The following DCLK2 variants were observed in gnomAD, a reference collection of about 807,000 sequenced individuals.
DCLK2 encodes doublecortin like kinase 2, also known as serine/threonine-protein kinase DCLK2.
DCLK2 carries 31 observed loss-of-function variants against 78.4 expected under a neutral mutation model. The observed-to-expected ratio is 0.40, with a 90% CI of 0.30 to 0.53. DCLK2 has a LOEUF of 0.53. Ranked by LOEUF, DCLK2 falls within the 20% of genes least tolerant of loss-of-function variation. The pLI, the probability that DCLK2 is intolerant of heterozygous loss-of-function variation, is 0.61. For synonymous variants in DCLK2, 407 were observed against 374.9 expected (o/e 1.09, Z -0.99); for missense variants, 872 against 973.7 (o/e 0.90, Z 1.39).
chr4:150,139,249 T>A (rs1733940103), intron 2 of DCLK2, among the ~76,000 whole-genome samples: 1 of 152,206 alleles, frequency 6.6e-6, no homozygotes, highest in Non-Finnish European at 1.5e-5. Flanking sequence ...TGCCACATGT[T>A]GGTGATGTTA....
chr4:150,179,581 C>T, intron 2 of DCLK2, among the ~76,000 whole-genome samples: 1 of 152,012 alleles, frequency 6.6e-6, no homozygotes, highest in East Asian at 1.9e-4. Flanking sequence ...AAACAGACAC[C>T]AAAAGGGTTG....
At chr4:150,170,898 TAA>T in intron 2 of DCLK2, among the ~76,000 whole-genome samples, 1 of 152,240 alleles carries the variant, frequency 6.6e-6, no homozygotes, top group South Asian at 2.1e-4. Flanking sequence ...CTTTCTTGTA[TAA>T]AAGTGATTAC....
intron 5 of DCLK2, among the ~76,000 whole-genome samples, chr4:150,210,549 G>A (rs1204469929): frequency 2.0e-5 from 3 of 152,192 alleles, no homozygotes; most frequent in Non-Finnish European, 4.4e-5. Flanking sequence ...TGAGGCAGGA[G>A]AATTGCTTGA....
intron 5 of DCLK2, among the ~76,000 whole-genome samples, chr4:150,208,013 A>G (rs937982277): frequency 3.3e-5 from 5 of 152,194 alleles, no homozygotes; most frequent in Admixed American, 2.6e-4. Context: ...ACCATCCAGC[A>G]TAAGAGGCTT....
intron 1 of DCLK2, among the ~76,000 whole-genome samples, chr4:150,090,384 C>T (rs1213039028): frequency 6.6e-6 from 1 of 152,182 alleles, no homozygotes; most frequent in Non-Finnish European, 1.5e-5. Flanking sequence ...CCACTCCAGC[C>T]TGGGCAACAA....
intron 2 of DCLK2, among the ~76,000 whole-genome samples, chr4:150,120,134 A>G (rs1388667624): frequency 6.6e-6 from 1 of 152,242 alleles, no homozygotes; most frequent in Admixed American, 6.5e-5. Context: ...TTTTGAAAAC[A>G]AGGACAGCTG....
intron 4 of DCLK2, chr4:150,198,935 C>G: frequency 2.6e-6 from 1 of 391,452 alleles, no homozygotes; most frequent in Non-Finnish European, 4.8e-6. Flanking sequence ...TTCTGTAGGG[C>G]AGGTCGTTTT....
intron 2 of DCLK2, among the ~76,000 whole-genome samples, chr4:150,188,475 A>C (rs1738124589): frequency 6.6e-6 from 1 of 152,152 alleles, no homozygotes; most frequent in South Asian, 2.1e-4. Context: ...AAATTGTATA[A>C]TTTGGTTAAC....
intron 2 of DCLK2, among the ~76,000 whole-genome samples, chr4:150,153,528 G>C (rs6535712): frequency 0.68 from 103,839 of 151,594 alleles, 35,746 homozygotes; most frequent in Non-Finnish European, 0.72. Context: ...CTTACCCACC[G>C]CAGCAGTAGC....
At chr4:150,127,308 T>C (rs1580552882) in intron 2 of DCLK2, among the ~76,000 whole-genome samples, 1 of 152,238 alleles carries the variant, frequency 6.6e-6, no homozygotes, top group African/African-American at 2.4e-5. Context: ...ACACCAGTTA[T>C]TACTGTGGTG....
chr4:150,224,403 A>AAAATGGG, intron 7 of DCLK2, 98 bp from the exon 8 acceptor site: 1 of 1,063,748 alleles, frequency 9.4e-7, no homozygotes, highest in Non-Finnish European at 1.3e-6. Context: ...TCTCATCTCT[A>AAAATGGG]CAAAAAAAAA....
intron 1 of DCLK2, among the ~76,000 whole-genome samples, chr4:150,098,111 C>G (rs531214011): frequency 6.6e-6 from 1 of 151,960 alleles, no homozygotes; most frequent in Non-Finnish European, 1.5e-5. Flanking sequence ...TCTAAGGAAA[C>G]GGGGGCTCAC....
intron 14 of DCLK2, 54 bp downstream of exon 14, chr4:150,248,439 C>A: frequency 7.1e-7 from 1 of 1,407,824 alleles, no homozygotes; most frequent in African/African-American, 1.4e-5. Context: ...TGGCCAACAG[C>A]ACGGTTCCTC....
At chr4:150,095,815 C>A (rs550164668) in intron 1 of DCLK2, among the ~76,000 whole-genome samples, 1 of 152,090 alleles carries the variant, frequency 6.6e-6, no homozygotes, top group Non-Finnish European at 1.5e-5. Flanking sequence ...CTTGAAGGGT[C>A]AGTGGAAGAG....
intron 1 of DCLK2, among the ~76,000 whole-genome samples, chr4:150,094,503 C>G (rs931211162): frequency 6.6e-6 from 1 of 152,170 alleles, no homozygotes; most frequent in African/African-American, 2.4e-5. Flanking sequence ...TACTTGGTGT[C>G]TTCATCTCCT....
chr4:150,081,696 T>C (rs1413034858), intron 1 of DCLK2, among the ~76,000 whole-genome samples: 2 of 152,094 alleles, frequency 1.3e-5, no homozygotes, highest in African/African-American at 4.8e-5. Context: ...AATGCAATTT[T>C]TTTTTTAAAG....
intron 2 of DCLK2, among the ~76,000 whole-genome samples, chr4:150,176,948 G>A (rs72732403): frequency 0.18 from 27,584 of 152,082 alleles, 2,669 homozygotes; most frequent in Non-Finnish European, 0.22. Flanking sequence ...TTGCAAAAAA[G>A]AAATAGATGT....
rs1432905636 is a variant in DCLK2, at chr4:150,256,059, A to G, written c.2113A>G (p.Lys705Glu). 1.9e-6 allele frequency: 3 copies of G among 1,612,328 alleles called. No individual in the cohort carries two copies. Among genetic ancestry groups the G allele is most frequent in the Admixed American group, 1.7e-5 (1 of 59,806 alleles). ...LDKEGQIFCS[K>E]HCQDSGRPGM... The stretch of plus-strand genomic sequence containing the variant: ...TAAGGAGGGGCAGATTTTCTGCAGC[A>G]AGCACTGTCAAGACAGCGGCAGGCC... Residue 705 changes from lysine (K) to glutamate (E), a missense_variant, in exon 16 of 16, where the codon AAG becomes GAG. Transcript: ENST00000296550.
intron 4 of DCLK2, among the ~76,000 whole-genome samples, chr4:150,200,974 C>A (rs925871924): frequency 2.0e-5 from 3 of 152,042 alleles, no homozygotes; most frequent in Non-Finnish European, 4.4e-5. Context: ...TGCGCCACCA[C>A]GCCTGGCTAA....
Sources: gnomAD v4.1 joint callset for allele counts (sites outside exome capture counted in the v4.1 genomes callset) on GRCh38, gnomAD v4.1.1 for gene constraint, MANE v1.5 for transcripts, NCBI Gene and HGNC (gene_info 2026-07-23, HGNC 2026-07-21) for gene names.